Variants in FGF12 observed in about 807,000 individuals in gnomAD.
FGF12 encodes fibroblast growth factor 12B.
A neutral mutation model predicts 23.6 loss-of-function variants in FGF12; 14 were observed. The observed-to-expected ratio is 0.59, with a 90% CI of 0.39 to 0.93. FGF12 has a LOEUF of 0.93. Ranked by LOEUF, FGF12 falls within the 40% of genes least tolerant of loss-of-function variation. FGF12 has a pLI of 0.00. For synonymous variants in FGF12, 62 were observed against 77.3 expected, an observed-to-expected ratio of 0.80 and a Z score of 1.04; for missense variants, 175 against 217.8, an observed-to-expected ratio of 0.80 and a Z score of 1.24.
intron 2 of FGF12, among the ~76,000 whole-genome samples, chr3:192,413,400 A>C (rs1270902220): frequency 6.6e-6 from 1 of 152,004 alleles, no homozygotes; most frequent in Admixed American, 6.6e-5. Flanking sequence ...ACGTTATTCA[A>C]CCTCTCTAAA....
rs116400102 is a variant in FGF12 at position 192,249,290 on chromosome 3, A to G, written c.229-78634T>C. Among the ~76,000 whole-genome samples, 1,077 of 152,278 alleles carry G rather than the reference A, an allele frequency of 7.1e-3. 8 individuals are homozygous for G. The highest frequency in any genetic ancestry group is 0.025 in the African/African-American group (1,042 of 41,556). ...ATGAATCTAGTATTTCATTTTAAAAACTTGTCTGATTATACTTACATATAC... is the reference window on the plus strand; with the variant it reads ...ATGAATCTAGTATTTCATTTTAAAAGCTTGTCTGATTATACTTACATATAC... On this transcript the variant is annotated intron_variant, in intron 4 of 5. Coordinates refer to ENST00000445105, the MANE Select transcript of FGF12 (RefSeq NM_004113.6).
chr3:192,281,217 G>A (rs200723681), intron 4 of FGF12, among the ~76,000 whole-genome samples: 5 of 152,108 alleles, frequency 3.3e-5, no homozygotes, highest in African/African-American at 1.2e-4. Context: ...GAATCCTCTA[G>A]GGAAGAATCC....
intron 2 of FGF12, among the ~76,000 whole-genome samples, chr3:192,648,137 T>A (rs1226427265): frequency 1.3e-5 from 2 of 152,112 alleles, no homozygotes; most frequent in Non-Finnish European, 2.9e-5. Context: ...TCAAGTCCAA[T>A]ACATTCTGAC....
chr3:192,472,021 T>A (rs1413862917), intron 2 of FGF12, among the ~76,000 whole-genome samples: 1 of 152,158 alleles, frequency 6.6e-6, no homozygotes, highest in Non-Finnish European at 1.5e-5. Flanking sequence ...TTGTTTTTGT[T>A]GTTGTTTGTG....
rs552218938 is a variant in FGF12, at chr3:192,296,774, C to G, written c.228+38587G>C. 2.6e-5 allele frequency among the ~76,000 whole-genome samples: 4 copies of G among 152,040 alleles called. No individual in the cohort carries two copies. In the East Asian group the frequency reaches 7.7e-4, roughly 29 times the overall value. ...AAATGTCCTGCAAATTTGATAATAT[C>G]AAATTTAAAAATAAAATACTTTTAA... On this transcript the variant is annotated intron_variant, in intron 4 of 5. Transcript: ENST00000445105.
intron 2 of FGF12, among the ~76,000 whole-genome samples, chr3:192,714,644 G>A (rs1402037198): frequency 1.4e-5 from 2 of 146,598 alleles, no homozygotes; most frequent in South Asian, 2.2e-4. Flanking sequence ...TCAGCCTCCC[G>A]AGTAGCTGGG....
chr3:192,419,951 T>C (rs539731422), intron 2 of FGF12, among the ~76,000 whole-genome samples: 31 of 152,254 alleles, frequency 2.0e-4, no homozygotes, highest in African/African-American at 6.7e-4. Context: ...TTCCTCTGAG[T>C]TGTGGTATTT....
At chr3:192,363,102 G>C (rs1030799109) in intron 2 of FGF12, among the ~76,000 whole-genome samples, 2 of 150,830 alleles carry the variant, frequency 1.3e-5, no homozygotes, top group East Asian at 1.9e-4. Flanking sequence ...GGTAGGGGGA[G>C]GGGGGAGGGA....
chr3:192,588,360 A>AAAG lies in FGF12; in HGVS notation c.13+138820_13+138821insCTT, dbSNP rs1553835726. ...GCAACAATCCGTCTCAAAAAAAAAA[A>AAAG]AAAAAAAGAAAAAAAGAAAAAAAAA... On this transcript the variant is annotated intron_variant, in intron 2 of 5. Transcript: ENST00000445105. Among the ~76,000 whole-genome samples, 524 of 142,684 alleles carry AAAG rather than the reference A, an allele frequency of 3.7e-3. 2 individuals are homozygous for AAAG. The highest frequency in any genetic ancestry group is 0.012 in the African/African-American group (457 of 38,784). The allele number at this position is 142,684 out of a possible 152,430, so 93.6% of individuals were successfully genotyped here.
At chr3:192,527,413 A>G (rs1237561161) in intron 2 of FGF12, among the ~76,000 whole-genome samples, 1 of 152,222 alleles carries the variant, frequency 6.6e-6, no homozygotes, top group African/African-American at 2.4e-5. Context: ...TATTAGTCTG[A>G]AAGGTTGTAT....
At chr3:192,197,917 GC>G (rs35084387) in intron 4 of FGF12, among the ~76,000 whole-genome samples, 13,551 of 128,064 alleles carry the variant, frequency 0.11, 708 homozygotes, top group East Asian at 0.18. Context: ...TTGCACTCCA[GC>G]CTGGGGAACA....
At chr3:192,286,737 G>T (rs1714468205) in intron 4 of FGF12, among the ~76,000 whole-genome samples, 2 of 152,108 alleles carry the variant, frequency 1.3e-5, no homozygotes, top group South Asian at 4.1e-4. Context: ...ATACTCTTGA[G>T]ATTGATTTTT....
chr3:192,711,940 CA>C (rs60779864), intron 2 of FGF12, among the ~76,000 whole-genome samples: 10,147 of 50,762 alleles, frequency 0.2, 418 homozygotes, highest in East Asian at 0.32. Context: ...CAAGAACGAT[CA>C]AAAAAAAAAA....
At position 192,379,936 on chromosome 3, in the gene FGF12, C is replaced by T. The variant is rs137991449; in HGVS notation, c.14-19398G>A. Among the ~76,000 whole-genome samples, 120 of 152,214 alleles carry T rather than the reference C, an allele frequency of 7.9e-4. 1 individual carries two copies. The East Asian group carries it at 0.019, about 24-fold the overall frequency. ...GTGGTAGTGATAAGACATTGACTTA[C>T]GATTTTATTATGTTTTAGTTATTGG... is the stretch of plus-strand genomic sequence containing the variant. On this transcript the variant is annotated intron_variant, in intron 2 of 5. Transcript: ENST00000445105.
intron 2 of FGF12, among the ~76,000 whole-genome samples, chr3:192,504,559 C>CG (rs1436393236): frequency 6.6e-6 from 1 of 152,104 alleles, no homozygotes; most frequent in Non-Finnish European, 1.5e-5. Context: ...TTGGTGAGAT[C>CG]GGGGGGAAAT....
intron 4 of FGF12, among the ~76,000 whole-genome samples, chr3:192,214,912 GC>G: frequency 6.6e-6 from 1 of 152,184 alleles, no homozygotes; most frequent in East Asian, 1.9e-4. Flanking sequence ...TAACCCAGTT[GC>G]CTCCTTAGGA....
At chr3:192,303,704 T>C (rs1715466811) in intron 4 of FGF12, among the ~76,000 whole-genome samples, 2 of 151,868 alleles carry the variant, frequency 1.3e-5, no homozygotes, top group African/African-American at 4.8e-5. Flanking sequence ...AAGGTGACTG[T>C]TAGTTTTATC....
chr3:192,677,568 G>A (rs1476068230), intron 2 of FGF12, among the ~76,000 whole-genome samples: 2 of 152,128 alleles, frequency 1.3e-5, no homozygotes, highest in Admixed American at 6.5e-5. Context: ...CTAACAGAAA[G>A]ATACAAAAGG....
At chr3:192,467,635 C>A (rs1053103111) in intron 2 of FGF12, among the ~76,000 whole-genome samples, 1 of 152,144 alleles carries the variant, frequency 6.6e-6, no homozygotes, top group Non-Finnish European at 1.5e-5. Context: ...AGAGGAAGGT[C>A]TCTGTTTGTC....
Sources: allele counts gnomAD v4.1 joint callset (sites outside exome capture counted in the v4.1 genomes callset), GRCh38; gene constraint gnomAD v4.1.1; transcripts MANE v1.5; gene names NCBI Gene and HGNC (gene_info 2026-07-23, HGNC 2026-07-21).